CRYBG1: variants seen among roughly 807,000 people sequenced by gnomAD.
CRYBG1 encodes crystallin beta-gamma domain containing 1.
Under a neutral mutation model 189.2 loss-of-function variants are expected in CRYBG1, and 139 were observed. That is an observed-to-expected ratio of 0.73 (90% CI 0.64 to 0.85). The LOEUF is 0.85. Ranked by LOEUF, CRYBG1 falls within the 40% of genes least tolerant of loss-of-function variation. The pLI is 0.00. For synonymous variants in CRYBG1, 1,023 were observed against 1,017.1 expected, an observed-to-expected ratio of 1.01 and a Z score of -0.11; for missense variants, 2,611 against 2,675.8, an observed-to-expected ratio of 0.98 and a Z score of 0.53.
At chr6:106,379,239 A>G (rs1442547549) in intron 1 of CRYBG1, among the ~76,000 whole-genome samples, 5 of 152,132 alleles carry the variant, frequency 3.3e-5, no homozygotes, top group Non-Finnish European at 7.4e-5. Context: ...AAGTAAAATA[A>G]TAACCTTTGT....
intron 1 of CRYBG1, among the ~76,000 whole-genome samples, chr6:106,398,513 T>C (rs1487870493): frequency 6.6e-6 from 1 of 152,066 alleles, no homozygotes; most frequent in African/African-American, 2.4e-5. Context: ...CAGAAGCCAA[T>C]TCAGTAATTG....
At chr6:106,465,068 C>T (rs556895208) in intron 2 of CRYBG1, among the ~76,000 whole-genome samples, 8 of 152,080 alleles carry the variant, frequency 5.3e-5, no homozygotes, top group Non-Finnish European at 7.4e-5. Context: ...ATCTTATTTG[C>T]GAAGTTCCCC....
intron 2 of CRYBG1, among the ~76,000 whole-genome samples, chr6:106,456,642 G>A (rs1027867475): frequency 2.0e-5 from 3 of 152,130 alleles, no homozygotes; most frequent in Admixed American, 2.0e-4. Flanking sequence ...TGTTTCCCAG[G>A]TAGGTGGTCA....
intron 1 of CRYBG1, among the ~76,000 whole-genome samples, chr6:106,392,441 A>C (rs1770524636): frequency 6.6e-6 from 1 of 152,204 alleles, no homozygotes; most frequent in Admixed American, 6.5e-5. Context: ...AATCAGAGTA[A>C]AGAGGCAGCA....
chr6:106,456,973 T>G (rs1446883794), intron 2 of CRYBG1, among the ~76,000 whole-genome samples: 1 of 152,200 alleles, frequency 6.6e-6, no homozygotes, highest in Admixed American at 6.5e-5. Flanking sequence ...CCTAGGCTGC[T>G]AATCTCACCA....
chr6:106,412,573 G>T (rs1466067107), intron 1 of CRYBG1, among the ~76,000 whole-genome samples: 4 of 152,176 alleles, frequency 2.6e-5, no homozygotes, highest in African/African-American at 9.7e-5. Context: ...TTACTGAAGG[G>T]TGGTGTGCTT....
chr6:106,442,308 A>G (rs1009306529), intron 1 of CRYBG1, among the ~76,000 whole-genome samples: 6 of 152,158 alleles, frequency 3.9e-5, no homozygotes, highest in Non-Finnish European at 8.8e-5. Context: ...GAGTGCCTGG[A>G]AGGATTAACT....
At chr6:106,498,224 G>A (rs1301942910) in intron 2 of CRYBG1, among the ~76,000 whole-genome samples, 1 of 152,064 alleles carries the variant, frequency 6.6e-6, no homozygotes, top group African/African-American at 2.4e-5. Context: ...ACCTAGTTTT[G>A]CAAAATATAG....
intron 2 of CRYBG1, among the ~76,000 whole-genome samples, chr6:106,489,520 T>C (rs1429908505): frequency 1.3e-5 from 2 of 151,850 alleles, no homozygotes; most frequent in African/African-American, 4.8e-5. Flanking sequence ...TTTTGGTAGA[T>C]TGAAAAAGAA....
chr6:106,431,160 C>T (rs2883223), intron 1 of CRYBG1, among the ~76,000 whole-genome samples: 59,952 of 151,962 alleles, frequency 0.39, 12,399 homozygotes, highest in East Asian at 0.68. Context: ...CCACACCCGG[C>T]GTAGGGACTG....
At chr6:106,494,245 A>G (rs1486239960) in intron 2 of CRYBG1, among the ~76,000 whole-genome samples, 2 of 152,144 alleles carry the variant, frequency 1.3e-5, no homozygotes, top group East Asian at 3.8e-4. Context: ...GCAGAGGAGA[A>G]TGGGAGTTTC....
In CRYBG1 at chr6:106,520,507, A is replaced by G. The variant is rs112245852; in HGVS notation, c.3299A>G (p.Asp1100Gly). 2 of 1,614,184 alleles carry G rather than the reference A, an allele frequency of 1.2e-6. No individual in the cohort carries two copies. The highest frequency in any genetic ancestry group is 1.7e-6 in the Non-Finnish European group (2 of 1,180,018). Residue 1100 changes from aspartate to glycine, a missense_variant, in exon 4 of 22, where the codon GAT becomes GGT. This residue lies in a region of CRYBG1 where 1,622 missense variants were observed against 1,735.0 expected (regional missense o/e 0.93). Transcript: ENST00000633556. ...GCTGGTAGTGATGATAGTGTATTTG[A>G]TTCTTCTTCTGATATGGAAAAATTC... is the stretch of plus-strand genomic sequence containing the variant. ...ISAGSDDSVF[D>G]SSSDMEKFTE...
At chr6:106,373,765 G>A (rs1770091929) in intron 1 of CRYBG1, among the ~76,000 whole-genome samples, 1 of 152,088 alleles carries the variant, frequency 6.6e-6, no homozygotes, top group Admixed American at 6.6e-5. Context: ...CATGTTGTTG[G>A]CTTAAAGCCT....
intron 5 of CRYBG1, 35 bp from the exon 6 acceptor site, chr6:106,525,233 C>T (rs1267164944): frequency 6.2e-7 from 1 of 1,613,020 alleles, no homozygotes; most frequent in South Asian, 1.1e-5. Context: ...TGACAGAGTA[C>T]AACAAAGTGT....
intron 1 of CRYBG1, among the ~76,000 whole-genome samples, chr6:106,370,162 T>A (rs1769988717): frequency 6.6e-6 from 1 of 152,228 alleles, no homozygotes; most frequent in Admixed American, 6.5e-5. Context: ...CATTAAAATC[T>A]TAGATGAAAA....
intron 21 of CRYBG1, among the ~76,000 whole-genome samples, chr6:106,566,170 A>G (rs1774881125): frequency 6.7e-6 from 1 of 149,460 alleles, no homozygotes; most frequent in South Asian, 2.1e-4. Context: ...CCAGCGTGAA[A>G]AAAAAAAAAA....
intron 1 of CRYBG1, among the ~76,000 whole-genome samples, chr6:106,391,312 C>G (rs971077249): frequency 6.6e-6 from 1 of 152,170 alleles, no homozygotes; most frequent in African/African-American, 2.4e-5. Context: ...GATCTCCTGA[C>G]CTCAGGTGAT....
At chr6:106,474,726 T>C (rs1184693944) in intron 2 of CRYBG1, among the ~76,000 whole-genome samples, 8 of 151,996 alleles carry the variant, frequency 5.3e-5, no homozygotes, top group Non-Finnish European at 1.0e-4. Context: ...GCAAGCTGAG[T>C]TGTCCATGGG....
chr6:106,553,507 A>G lies in CRYBG1; in HGVS notation c.5525A>G (p.Glu1842Gly), dbSNP rs1562117078. The G allele has an allele frequency of 6.2e-7, 1 of 1,614,150 alleles. No individual in the cohort carries two copies. The highest frequency in any genetic ancestry group is 2.2e-5 in the East Asian group (1 of 44,878). ...QFQGHSQSFE[E>G]TTSQIDDSFS... ...CAAGGTCACAGTCAAAGTTTTGAAGAAACAACAAGTCAAATTGATGATTCA... is the reference window on the plus strand; with the variant it reads ...CAAGGTCACAGTCAAAGTTTTGAAGGAACAACAAGTCAAATTGATGATTCA... Residue 1842 changes from glutamate (E) to glycine (G), a missense_variant, in exon 16 of 22, where the codon GAA becomes GGA. Around this residue, in one of 3 missense-constraint regions of CRYBG1, gnomAD observed 1,622 missense variants for 1,735.0 expected, o/e 0.93. Transcript: ENST00000633556.
Sources: gnomAD v4.1 joint callset for allele counts (sites outside exome capture counted in the v4.1 genomes callset) on GRCh38, gnomAD v4.1.1 for gene constraint, gnomAD v4.1.1 regional missense constraint, MANE v1.5 for transcripts, NCBI Gene and HGNC (gene_info 2026-07-23, HGNC 2026-07-21) for gene names.